Variants in RTKN2 observed in about 807,000 individuals in gnomAD.
RTKN2 encodes the protein rhotekin 2, also known as rhotekin-2.
In RTKN2, 69 loss-of-function variants were observed where a neutral mutation model predicts 71.5. The ratio of observed to expected loss-of-function variants is 0.96; its 90% confidence interval spans 0.79 to 1.18. RTKN2 has a LOEUF of 1.18. Ranked by LOEUF, RTKN2 falls within the 50% of genes most tolerant of loss-of-function variation. RTKN2 has a pLI of 0.00. For missense variants in RTKN2, 724 were observed against 719.7 expected (o/e 1.01, Z -0.07); for synonymous variants, 236 against 236.5 (o/e 1.00, Z 0.02).
At chr10:62,263,404 C>A (rs1842812229) in intron 1 of RTKN2, among the ~76,000 whole-genome samples, 1 of 152,140 alleles carries the variant, frequency 6.6e-6, no homozygotes, top group Admixed American at 6.6e-5. Context: ...CATGACCCTG[C>A]CAATTCCTTG....
chr10:62,236,644 C>T (rs1165082642), intron 5 of RTKN2, among the ~76,000 whole-genome samples: 1 of 152,002 alleles, frequency 6.6e-6, no homozygotes. Flanking sequence ...TTCATTGCAG[C>T]ATTATTCACA....
At chr10:62,201,246 T>C (rs1841435176) in intron 10 of RTKN2, among the ~76,000 whole-genome samples, 3 of 152,160 alleles carry the variant, frequency 2.0e-5, no homozygotes, top group South Asian at 4.1e-4. Flanking sequence ...TTAGTAAAAT[T>C]ACTCATTTTT....
chr10:62,219,669 C>CTGAG (rs1028894852), intron 7 of RTKN2, among the ~76,000 whole-genome samples: 3 of 151,958 alleles, frequency 2.0e-5, no homozygotes, highest in African/African-American at 7.3e-5. Context: ...GACATTTAAG[C>CTGAG]TGAGTGTGGT....
intron 7 of RTKN2, among the ~76,000 whole-genome samples, chr10:62,220,719 C>T (rs1350196034): frequency 1.3e-5 from 2 of 151,944 alleles, no homozygotes; most frequent in African/African-American, 2.4e-5. Flanking sequence ...GCTCAAGAAA[C>T]CCCAAGCAGC....
In RTKN2 at chr10:62,196,369, C is replaced by T. The variant is rs1841331719; in HGVS notation, c.*1539G>A. On this transcript the variant is annotated 3_prime_UTR_variant, in exon 12 of 12. Transcript: ENST00000373789. ...TCTTCTCACCAAAAACTCTGTCTGTCCTGATGTTACCAGTCACAAGAAACC... is the reference window on the plus strand; with the variant it reads ...TCTTCTCACCAAAAACTCTGTCTGTTCTGATGTTACCAGTCACAAGAAACC... 2 of 984,506 alleles carry T rather than the reference C, an allele frequency of 2.0e-6. No homozygotes were observed. Among genetic ancestry groups the T allele is most frequent in the Admixed American group, 6.2e-5 (1 of 16,240 alleles). The allele number at this position is 984,506 out of a possible 1,614,324, so 61.0% of individuals were successfully genotyped here.
At chr10:62,192,628 TAGTC>T (rs1841240606), downstream of RTKN2, among the ~76,000 whole-genome samples, 1 of 152,212 alleles carries the variant, frequency 6.6e-6, no homozygotes, top group African/African-American at 2.4e-5. Flanking sequence ...GCAGCTGAAA[TAGTC>T]AGAGATTTGA....
chr10:62,265,319 T>G (rs1411451557), intron 1 of RTKN2, among the ~76,000 whole-genome samples: 1 of 152,116 alleles, frequency 6.6e-6, no homozygotes, highest in African/African-American at 2.4e-5. Context: ...TCCTTTAAGC[T>G]ACAAGGGCAG....
intron 9 of RTKN2, chr10:62,215,059 T>C (rs1275341357): frequency 5.3e-6 from 8 of 1,521,210 alleles, no homozygotes; most frequent in African/African-American, 1.4e-5. Context: ...CGAGTTGAAT[T>C]CCTTCGAGAC....
At chr10:62,184,288 T>G (rs1841100392) in exon 9 of RTKN2, 1 of 1,386,678 alleles carries the variant, frequency 7.2e-7, no homozygotes, top group Non-Finnish European at 9.9e-7. Flanking sequence ...TATTTTAAAT[T>G]TTTCACACTG....
downstream of RTKN2, among the ~76,000 whole-genome samples, chr10:62,191,164 T>A (rs1841217152): frequency 6.6e-6 from 1 of 152,186 alleles, no homozygotes; most frequent in Non-Finnish European, 1.5e-5. Flanking sequence ...AGGCAGGGTC[T>A]CACTCTGCCC....
At chr10:62,256,155 A>C (rs931467787) in intron 2 of RTKN2, among the ~76,000 whole-genome samples, 2 of 151,966 alleles carry the variant, frequency 1.3e-5, no homozygotes, top group Admixed American at 1.3e-4. Flanking sequence ...TGTAGCTGAG[A>C]TCATAGGCAC....
rs557099366 is a variant in RTKN2, at chr10:62,209,880, G to C, written c.1021-4858C>G. On this transcript the variant is annotated intron_variant, in intron 9 of 11. Transcript: ENST00000373789. ...CAGCCCACCACTGATGGGCATTTAGGTTGATTCCATGTCTTTGCTACTGTG... is the reference window on the plus strand; with the variant it reads ...CAGCCCACCACTGATGGGCATTTAGCTTGATTCCATGTCTTTGCTACTGTG... Among the ~76,000 whole-genome samples, 6 of 152,202 alleles carry C rather than the reference G, an allele frequency of 3.9e-5. No individual in the cohort carries two copies. The East Asian group carries it at 1.2e-3, about 29-fold the overall frequency.
At chr10:62,186,916 T>C (rs1488003104) in intron 8 of RTKN2, among the ~76,000 whole-genome samples, 3 of 152,188 alleles carry the variant, frequency 2.0e-5, no homozygotes, top group Non-Finnish European at 4.4e-5. Flanking sequence ...TACAAGTTAT[T>C]GATTGCGTCC....
chr10:62,245,947 A>T, intron 3 of RTKN2, 52 bp downstream of exon 3: 2 of 1,109,514 alleles, frequency 1.8e-6, no homozygotes, highest in Non-Finnish European at 2.7e-6. Flanking sequence ...TCCACCATGT[A>T]GTTACGTTAT....
intron 9 of RTKN2, among the ~76,000 whole-genome samples, chr10:62,206,725 T>C (rs1336635274): frequency 2.6e-5 from 4 of 152,088 alleles, no homozygotes; most frequent in Admixed American, 1.3e-4. Flanking sequence ...TACTTTTGAC[T>C]ATACGCCCAG....
rs1841331246 is a variant in RTKN2 at position 62,196,348 on chromosome 10, C to G, written c.*1560G>C. The G allele has an allele frequency of 1.0e-6, 1 of 983,986 alleles. No individual in the cohort carries two copies. 61.0% of individuals were successfully genotyped at this position (983,986 alleles called of 1,614,324 possible). A position where few individuals can be genotyped will look rare whatever the true frequency, so the allele number is the denominator to read the frequency against. On this transcript the variant is annotated 3_prime_UTR_variant, in exon 12 of 12. Transcript: ENST00000373789. ...TCAAGCAGGCATATAGTACTTTCTT[C>G]TCACCAAAAACTCTGTCTGTCCTGA...
rs1188474418 is a variant in RTKN2, at chr10:62,193,687, G to T, written c.*4221C>A. On this transcript the variant is annotated 3_prime_UTR_variant, in exon 12 of 12. Coordinates refer to ENST00000373789, the MANE Select transcript of RTKN2 (RefSeq NM_145307.4). ...GTACATTAAAATAAGGAGACTCCTTGTGGCTAGTAGCGACTGAATATCCTA... is the reference window on the plus strand; with the variant it reads ...GTACATTAAAATAAGGAGACTCCTTTTGGCTAGTAGCGACTGAATATCCTA... 17 of 984,592 alleles carry T rather than the reference G, an allele frequency of 1.7e-5. No individual in the cohort carries two copies. Among genetic ancestry groups the T allele is most frequent in the African/African-American group, 1.7e-5 (1 of 57,216 alleles). The allele number at this position is 984,592 out of a possible 1,614,324, so 61.0% of individuals were successfully genotyped here. A position where few individuals can be genotyped will look rare whatever the true frequency, so the allele number is the denominator to read the frequency against.
Position 62,196,538 on chromosome 10 carries a change from GTGGTTTTTTGGT to G in RTKN2, c.*1358_*1369del. On this transcript the variant is annotated 3_prime_UTR_variant, in exon 12 of 12. Coordinates refer to ENST00000373789, the MANE Select transcript of RTKN2 (RefSeq NM_145307.4). ...AATGAAAGGCTCCATTTAAATTAATGTGGTTTTTTGGTCAAGTGTTCATTTTGTTTTGTAATA... is the reference window on the plus strand; with the variant it reads ...AATGAAAGGCTCCATTTAAATTAATGCAAGTGTTCATTTTGTTTTGTAATA... 1.0e-6 allele frequency: 1 copy of G among 985,340 alleles called. No individual in the cohort carries two copies. The highest frequency in any genetic ancestry group is 1.2e-6 in the Non-Finnish European group (1 of 829,876). 61.0% of individuals were successfully genotyped at this position (985,340 alleles called of 1,614,324 possible). A position where few individuals can be genotyped will look rare whatever the true frequency, so the allele number is the denominator to read the frequency against.
intron 6 of RTKN2, among the ~76,000 whole-genome samples, chr10:62,234,690 C>T (rs1264205513): frequency 6.6e-6 from 1 of 151,958 alleles, no homozygotes; most frequent in Admixed American, 6.6e-5. Context: ...TTTACAAGGA[C>T]ACGTTCTTTG....
Sources: gnomAD v4.1 joint callset for allele counts (sites outside exome capture counted in the v4.1 genomes callset) on GRCh38, gnomAD v4.1.1 for gene constraint, MANE v1.5 for transcripts, NCBI Gene and HGNC (gene_info 2026-07-23, HGNC 2026-07-21) for gene names.